MITD1: variants seen among roughly 807,000 people sequenced by gnomAD.
MITD1 encodes microtubule interacting and trafficking domain containing 1, also known as MIT domain-containing protein 1.
In MITD1, 24 loss-of-function variants were observed where a neutral mutation model predicts 34.9. That is an observed-to-expected ratio of 0.69 (90% CI 0.50 to 0.97). The LOEUF (loss-of-function observed/expected upper bound fraction) is 0.97, where lower values mean the gene tolerates loss of function less well. MITD1 is among the 50% of genes least tolerant of loss of function. The pLI is 0.00. For missense variants in MITD1, 266 were observed against 294.6 expected (o/e 0.90, Z 0.71); for synonymous variants, 102 against 101.4 (o/e 1.01, Z -0.04).
chr2:99,165,386 T>C (rs1051582950), downstream of MITD1, among the ~76,000 whole-genome samples: 1 of 151,810 alleles, frequency 6.6e-6, no homozygotes, highest in African/African-American at 2.4e-5. Context: ...AGATTTCTTA[T>C]GAGATTGGAT....
At chr2:99,178,646 T>C (rs1181298606) in intron 1 of MITD1, among the ~76,000 whole-genome samples, 1 of 152,194 alleles carries the variant, frequency 6.6e-6, no homozygotes, top group African/African-American at 2.4e-5. Context: ...AAGAAGGTGG[T>C]ATTTGTGTAA....
chr2:99,176,687 CGTGT>C (rs34950540), intron 1 of MITD1, among the ~76,000 whole-genome samples: 1 of 151,538 alleles, frequency 6.6e-6, no homozygotes, highest in South Asian at 2.1e-4. Context: ...TGTGTGTGCG[CGTGT>C]GTGTGTGTTT....
At chr2:99,162,077 T>C (rs147665512) in exon 8 of MITD1, 1 of 1,614,172 alleles carries the variant, frequency 6.2e-7, no homozygotes, top group African/African-American at 1.3e-5. Flanking sequence ...TTTCCAATGA[T>C]GTCTATCAAA....
downstream of MITD1, chr2:99,169,132 C>T: frequency 3.6e-6 from 1 of 280,478 alleles, no homozygotes; most frequent in Non-Finnish European, 6.7e-6. Flanking sequence ...CTCCCGCAGC[C>T]AAGTAACAGA....
chr2:99,168,115 T>C (rs2093835322), downstream of MITD1, among the ~76,000 whole-genome samples: 1 of 152,160 alleles, frequency 6.6e-6, no homozygotes, highest in African/African-American at 2.4e-5. Flanking sequence ...CTCTTACATA[T>C]GTTAGCTTAG....
chr2:99,164,932 A>C (rs2093819584), downstream of MITD1, among the ~76,000 whole-genome samples: 1 of 152,002 alleles, frequency 6.6e-6, no homozygotes, highest in South Asian at 2.1e-4. Flanking sequence ...CCCCTGAAAC[A>C]TATGGACTCA....
rs896805013 is a variant in MITD1 at position 99,181,034 on chromosome 2, C to A, written c.-53G>T. On this transcript the variant is annotated 5_prime_UTR_variant, in exon 1 of 7. Transcript: ENST00000289359. Reference sequence around the variant, plus strand: ...CCCAGGATGAAGTTGAGCGGGTCTGCTGCGCTTCCGGGAAGTGGTCATGTG... The same window carrying A: ...CCCAGGATGAAGTTGAGCGGGTCTGATGCGCTTCCGGGAAGTGGTCATGTG... 14 of 1,572,974 alleles carry A rather than the reference C, an allele frequency of 8.9e-6. No homozygotes were observed. Among genetic ancestry groups the A allele is most frequent in the Non-Finnish European group, 1.1e-5 (13 of 1,157,806 alleles).
exon 8 of MITD1, chr2:99,162,072 AATG>A: frequency 1.9e-6 from 3 of 1,614,162 alleles, no homozygotes; most frequent in Non-Finnish European, 2.5e-6. Flanking sequence ...GTCAATTTCC[AATG>A]ATGTCTATCA....
At chr2:99,180,775 A>C (rs752955812) in intron 1 of MITD1, 56 bp downstream of exon 1, 29 of 1,470,184 alleles carry the variant, frequency 2.0e-5, no homozygotes, top group Non-Finnish European at 2.8e-5. Flanking sequence ...CACCCCAGAC[A>C]CAGCAGGAAC....
chr2:99,180,227 TG>T (rs1331346524), intron 1 of MITD1, among the ~76,000 whole-genome samples: 2 of 152,250 alleles, frequency 1.3e-5, no homozygotes, highest in Non-Finnish European at 2.9e-5. Flanking sequence ...AATTTTACTT[TG>T]GCTTGCTTTA....
rs191142185 is a variant in MITD1, at chr2:99,174,604, G to A, written c.152-588C>T. On this transcript the variant is annotated intron_variant, in intron 1 of 6. Coordinates refer to ENST00000289359, the MANE Select transcript of MITD1 (RefSeq NM_138798.3). ...AAATAATCTCATTTTTTGTTTGTTT[G>A]TTTTGAGACGGAATCTCGCTCTGTC... 2.9e-3 allele frequency among the ~76,000 whole-genome samples: 445 copies of A among 151,630 alleles called. 2 individuals are homozygous for A. The highest frequency in any genetic ancestry group is 6.2e-3 in the Admixed American group (94 of 15,216).
intron 1 of MITD1, 57 bp from the exon 2 acceptor site, chr2:99,174,073 G>A (rs1193195392): frequency 4.2e-6 from 4 of 955,686 alleles, no homozygotes; most frequent in Non-Finnish European, 6.2e-6. Context: ...TATTTAATTT[G>A]GGCATTATTT....
At chr2:99,172,679 T>TA (rs1186292452) in intron 2 of MITD1, 5 of 152,064 alleles carry the variant, frequency 3.3e-5, no homozygotes, top group African/African-American at 7.2e-5. Context: ...GGTCAGGAGT[T>TA]AGAGACCAGC....
In MITD1 at chr2:99,180,866, T is replaced by G; in HGVS notation, c.116A>C (p.Gln39Pro). 1 of 1,614,214 alleles carries G rather than the reference T, an allele frequency of 6.2e-7. No individual in the cohort carries two copies. Among genetic ancestry groups the G allele is most frequent in the Non-Finnish European group, 8.5e-7 (1 of 1,180,030 alleles). ...SRYPQALVCY[Q>P]EGIDLLLQVL... is the part of the protein sequence containing the mutation. ...CTGCAGGAGCAGATCAATCCCCTCT[T>G]GGTAACACACCAGAGCCTGCGGATA... The change falls in exon 1 of 7, where the codon CAA (glutamine) becomes CCA (proline). Residue 39 changes from glutamine to proline, a missense_variant. Transcript: ENST00000289359.
intron 1 of MITD1, 182 bp downstream of exon 1, chr2:99,180,649 C>T: frequency 1.7e-6 from 1 of 604,500 alleles, no homozygotes; most frequent in Non-Finnish European, 3.0e-6. Flanking sequence ...TTCTAGGTAA[C>T]ATCAATCTAT....
chr2:99,172,163 A>T (rs1212517862), intron 2 of MITD1: 1 of 152,604 alleles, frequency 6.6e-6, no homozygotes, highest in Non-Finnish European at 1.5e-5. Context: ...CAAGGTAGGT[A>T]GATCATTTGA....
At chr2:99,171,002 C>A in intron 4 of MITD1, 1 of 275,734 alleles carries the variant, frequency 3.6e-6, no homozygotes, top group African/African-American at 2.2e-5. Flanking sequence ...TAGAGATGCC[C>A]ACTACCATAT....
chr2:99,167,731 G>T (rs2093833106), downstream of MITD1, among the ~76,000 whole-genome samples: 1 of 152,156 alleles, frequency 6.6e-6, no homozygotes, highest in Admixed American at 6.5e-5. Context: ...AGGAACTTCG[G>T]ATCAGGCCAA....
At position 99,173,915 on chromosome 2, in the gene MITD1, C is replaced by T; in HGVS notation, c.253G>A (p.Asp85Asn). ...GCATTTTCTAAAACAACCTCTTTAC[C>T]TTCTTTTTCTTGGTCCAAGTACTTC... ...IKKYLDQEKE[D>N]GKYHKQIKIE... Residue 85 changes from aspartate to asparagine, a missense_variant and splice_region_variant, in exon 2 of 7, where the codon GAT becomes AAT. Asp to Asn is a conservative substitution (Grantham distance 23, BLOSUM62 1). Transcript: ENST00000289359. The T allele has an allele frequency of 6.3e-7, 1 of 1,589,552 alleles. No individual in the cohort carries two copies. The highest frequency in any genetic ancestry group is 8.6e-7 in the Non-Finnish European group (1 of 1,158,994).
Sources: gnomAD v4.1 joint callset for allele counts (sites outside exome capture counted in the v4.1 genomes callset) on GRCh38, gnomAD v4.1.1 for gene constraint, MANE v1.5 for transcripts, NCBI Gene and HGNC (gene_info 2026-07-23, HGNC 2026-07-21) for gene names.